Variants in LAMP3 observed in about 807,000 individuals in gnomAD.
LAMP3 encodes lysosome associated membrane protein 3, also known as lysosome-associated membrane glycoprotein 3.
In LAMP3, 26 loss-of-function variants were observed where a neutral mutation model predicts 34.8. That is an observed-to-expected ratio of 0.75 (90% confidence interval 0.55 to 1.04). LAMP3 has a LOEUF of 1.04. Among genes scored for constraint, LAMP3 ranks in the 50% least tolerant of loss-of-function variants. The pLI, the probability that LAMP3 is intolerant of heterozygous loss-of-function variation, is 0.00. For synonymous variants in LAMP3, 180 were observed against 201.9 expected, an observed-to-expected ratio of 0.89 and a Z score of 0.92; for missense variants, 495 against 524.0, an observed-to-expected ratio of 0.94 and a Z score of 0.54.
At chr3:183,140,438 A>T in intron 4 of LAMP3, 100 bp downstream of exon 4, 1 of 430,348 alleles carries the variant, frequency 2.3e-6, no homozygotes, top group African/African-American at 2.2e-5. Context: ...AAAAAAAAAA[A>T]AGCAGCATCA....
rs763766694 is a variant in LAMP3 at position 183,154,019 on chromosome 3, G to C, written c.422C>G (p.Pro141Arg). 1 of 1,614,172 alleles carries C rather than the reference G, an allele frequency of 6.2e-7. No homozygotes were observed. Among genetic ancestry groups the C allele is most frequent in the East Asian group, 2.2e-5 (1 of 44,892 alleles). The change falls in exon 2 of 6, where the codon CCA (proline) becomes CGA (arginine). Residue 141 changes from proline to arginine, a missense_variant. Coordinates refer to ENST00000265598, the MANE Select transcript of LAMP3 (RefSeq NM_014398.4). The stretch of plus-strand genomic sequence containing the variant: ...TGAACTGGTTCCAGTTGTATGAGCT[G>C]GTGGGGTGATGGTGGGTGGCAGTGA... ...PYSLPPTITP[P>R]AHTTGTSSST...
At chr3:183,129,369 T>G (rs1229239998) in intron 5 of LAMP3, among the ~76,000 whole-genome samples, 4 of 152,152 alleles carry the variant, frequency 2.6e-5, no homozygotes, top group Non-Finnish European at 5.9e-5. Context: ...TTCAAATATA[T>G]CTTCATTCTA....
intron 3 of LAMP3, among the ~76,000 whole-genome samples, chr3:183,141,006 C>T (rs911401917): frequency 2.0e-5 from 3 of 152,206 alleles, no homozygotes; most frequent in African/African-American, 7.2e-5. Flanking sequence ...GACCACTCAT[C>T]CTTTCCTTTT....
chr3:183,135,913 A>C, intron 4 of LAMP3, 26 bp from the exon 5 acceptor site: 1 of 1,585,526 alleles, frequency 6.3e-7, no homozygotes, highest in South Asian at 1.1e-5. Context: ...ATAGATGCAT[A>C]AGAGTCCTGA....
chr3:183,161,538 C>G (rs13077467), intron 1 of LAMP3, among the ~76,000 whole-genome samples: 12,470 of 151,992 alleles, frequency 0.082, 550 homozygotes, highest in Middle Eastern at 0.13. Flanking sequence ...TTACAGGCGC[C>G]CACAACCATG....
Position 183,123,924 on chromosome 3 carries a change from T to C in LAMP3, c.*157A>G. On this transcript the variant is annotated 3_prime_UTR_variant, in exon 6 of 6. Transcript: ENST00000265598. ...AGTATTTAGAAATTGATGTGCTGCC[T>C]GAACTTAAATCACACATGACTCACT... 1 of 693,746 alleles carries C rather than the reference T, an allele frequency of 1.4e-6. No individual in the cohort carries two copies. Among genetic ancestry groups the C allele is most frequent in the Non-Finnish European group, 2.4e-6 (1 of 416,162 alleles). The allele number at this position is 693,746 out of a possible 1,614,324, so 43.0% of individuals were successfully genotyped here.
At chr3:183,150,640 T>C (rs1463010615) in intron 3 of LAMP3, among the ~76,000 whole-genome samples, 1 of 140,442 alleles carries the variant, frequency 7.1e-6, no homozygotes, top group Non-Finnish European at 1.5e-5. Flanking sequence ...CTCAACCTCC[T>C]GGACTCAAGC....
rs896384145 is a variant in LAMP3, at chr3:183,124,191, T to A, written c.1141A>T (p.Thr381Ser). The A allele has an allele frequency of 6.2e-7, 1 of 1,603,626 alleles. No individual in the cohort carries two copies. The highest frequency in any genetic ancestry group is 1.3e-5 in the African/African-American group (1 of 74,202). The change falls in exon 6 of 6, where the codon ACA (threonine) becomes TCA (serine). Residue 381 changes from threonine to serine, a missense_variant. By Grantham distance (58) the Thr-to-Ser change is moderately conservative. Transcript: ENST00000265598. The stretch of plus-strand genomic sequence containing the variant: ...GCCCCAATCACAGGAAGCACAATTG[T>A]GTAGTCAGACGAGCACTCATCCACT... ...GNVDECSSDY[T>S]IVLPVIGAIV...
chr3:183,132,813 G>A (rs1259180580), intron 5 of LAMP3: 2 of 985,288 alleles, frequency 2.0e-6, no homozygotes, highest in African/African-American at 1.7e-5. Context: ...AAGAAAGTGG[G>A]GCTTTACATG....
intron 3 of LAMP3, among the ~76,000 whole-genome samples, chr3:183,144,587 A>T (rs940913938): frequency 2.0e-5 from 3 of 152,194 alleles, no homozygotes; most frequent in Non-Finnish European, 4.4e-5. Flanking sequence ...AGTACAGATC[A>T]CTTGGGGAGT....
At chr3:183,157,462 G>T (rs946695554) in intron 1 of LAMP3, among the ~76,000 whole-genome samples, 2 of 152,302 alleles carry the variant, frequency 1.3e-5, no homozygotes, top group South Asian at 4.1e-4. Flanking sequence ...TAAAACCCGC[G>T]TTGCTGGTTC....
At chr3:183,137,478 T>G (rs1720133133) in intron 4 of LAMP3, among the ~76,000 whole-genome samples, 1 of 152,202 alleles carries the variant, frequency 6.6e-6, no homozygotes, top group Non-Finnish European at 1.5e-5. Flanking sequence ...CTGGTCTGCT[T>G]AGTAGTTACA....
chr3:183,135,293 T>C (rs2108598291), intron 5 of LAMP3, among the ~76,000 whole-genome samples: 1 of 152,346 alleles, frequency 6.6e-6, no homozygotes, highest in East Asian at 1.9e-4. Flanking sequence ...TGCTGCATCT[T>C]GCTCTTTTCC....
rs372341122 is a variant in LAMP3 at position 183,152,473 on chromosome 3, C to T, written c.790G>A (p.Asp264Asn). The stretch of plus-strand genomic sequence containing the variant: ...CCAGAGGCTTGCGTTGCGTTGGGGT[C>T]GATGTTGAAGTATCTCCGAGGTGAA... ...VFSPRRYFNI[D>N]PNATQASGNC... Residue 264 changes from aspartate (D) to asparagine (N), a missense_variant, in exon 3 of 6, where the codon GAC becomes AAC. Asp to Asn is a conservative substitution (Grantham distance 23). Coordinates refer to ENST00000265598, the MANE Select transcript of LAMP3 (RefSeq NM_014398.4). 6 of 1,611,422 alleles carry T rather than the reference C, an allele frequency of 3.7e-6. No individual in the cohort carries two copies. Among genetic ancestry groups the T allele is most frequent in the Middle Eastern group, 1.7e-4 (1 of 5,912 alleles).
At chr3:183,132,527 C>A in intron 5 of LAMP3, 1 of 985,332 alleles carries the variant, frequency 1.0e-6, no homozygotes, top group South Asian at 4.7e-5. Flanking sequence ...ACAAGCACCC[C>A]ACTCATGTCT....
At chr3:183,129,826 A>C (rs991211585) in intron 5 of LAMP3, among the ~76,000 whole-genome samples, 2 of 152,216 alleles carry the variant, frequency 1.3e-5, no homozygotes, top group African/African-American at 4.8e-5. Context: ...CCTAACTTCC[A>C]GGACCACAGA....
intron 3 of LAMP3, among the ~76,000 whole-genome samples, chr3:183,143,287 T>A (rs596421): frequency 0.61 from 88,357 of 145,298 alleles, 26,422 homozygotes; most frequent in Non-Finnish European, 0.67. Flanking sequence ...TTAAAAAAAA[T>A]TTTTTTATAG....
At chr3:183,136,666 A>C (rs1025287786) in intron 4 of LAMP3, among the ~76,000 whole-genome samples, 1 of 147,008 alleles carries the variant, frequency 6.8e-6, no homozygotes, top group Non-Finnish European at 1.5e-5. Context: ...AAAAAAAAAA[A>C]AAAACAACTC....
At chr3:183,156,731 C>G (rs1316268117) in intron 1 of LAMP3, among the ~76,000 whole-genome samples, 1 of 152,192 alleles carries the variant, frequency 6.6e-6, no homozygotes, top group African/African-American at 2.4e-5. Flanking sequence ...CAACTTCTCT[C>G]AAAAACACTT....
Sources: allele counts gnomAD v4.1 joint callset (sites outside exome capture counted in the v4.1 genomes callset), GRCh38; gene constraint gnomAD v4.1.1; transcripts MANE v1.5; gene names NCBI Gene and HGNC (gene_info 2026-07-23, HGNC 2026-07-21).